The following AKAP6 variants were observed in gnomAD, a reference collection of about 807,000 sequenced individuals.
The protein encoded by AKAP6 is A-kinase anchor protein 6.
In AKAP6, 58 loss-of-function variants were observed where a neutral mutation model predicts 188.5. That is an observed-to-expected ratio of 0.31 (90% CI 0.25 to 0.38). The LOEUF (loss-of-function observed/expected upper bound fraction) is 0.38. Ranked by LOEUF, AKAP6 falls within the 10% of genes least tolerant of loss-of-function variation. The pLI is 1.00. For missense variants in AKAP6, 2,710 were observed against 2,740.0 expected (o/e 0.99, Z 0.24); for synonymous variants, 989 against 998.6 (o/e 0.99, Z 0.18).
At chr14:32,703,025 A>G (rs1337238990) in intron 9 of AKAP6, among the ~76,000 whole-genome samples, 1 of 152,182 alleles carries the variant, frequency 6.6e-6, no homozygotes, top group African/African-American at 2.4e-5. Flanking sequence ...GATAATTAAC[A>G]CTTGAAGGAC....
chr14:32,607,309 G>A (rs556419429), intron 7 of AKAP6, among the ~76,000 whole-genome samples: 1 of 152,264 alleles, frequency 6.6e-6, no homozygotes, highest in Admixed American at 6.5e-5. Flanking sequence ...GCAATCAATG[G>A]GAACTGCATT....
chr14:32,480,151 A>G (rs1000474962), intron 2 of AKAP6, among the ~76,000 whole-genome samples: 2 of 152,166 alleles, frequency 1.3e-5, no homozygotes, highest in Non-Finnish European at 2.9e-5. Context: ...TCTATTTCCT[A>G]ATTCAAACAA....
At chr14:32,710,060 A>G (rs1268786097) in intron 9 of AKAP6, among the ~76,000 whole-genome samples, 2 of 152,046 alleles carry the variant, frequency 1.3e-5, no homozygotes, top group East Asian at 3.9e-4. Context: ...TTTTTCAACT[A>G]TCTCTTATTA....
At chr14:32,644,934 C>T (rs1241690627) in intron 7 of AKAP6, among the ~76,000 whole-genome samples, 1 of 152,096 alleles carries the variant, frequency 6.6e-6, no homozygotes, top group Admixed American at 6.6e-5. Flanking sequence ...GACAGACTAA[C>T]GGGTATATAT....
intron 1 of AKAP6, among the ~76,000 whole-genome samples, chr14:32,370,363 A>G (rs146247558): frequency 6.6e-6 from 1 of 152,308 alleles, no homozygotes; most frequent in East Asian, 1.9e-4. Flanking sequence ...GTGCTATCGA[A>G]TTGATGGTGT....
At chr14:32,727,395 T>C (rs1285663912) in intron 9 of AKAP6, among the ~76,000 whole-genome samples, 1 of 152,218 alleles carries the variant, frequency 6.6e-6, no homozygotes, top group Non-Finnish European at 1.5e-5. Flanking sequence ...TTGCCAGGTC[T>C]CCTACTTAAG....
chr14:32,622,391 C>G (rs1186424831), intron 7 of AKAP6, among the ~76,000 whole-genome samples: 2 of 151,290 alleles, frequency 1.3e-5, no homozygotes, highest in Non-Finnish European at 2.9e-5. Context: ...GAGGATTTGA[C>G]TAGACTAGAT....
chr14:32,706,455 CT>C (rs895096997), intron 9 of AKAP6, among the ~76,000 whole-genome samples: 4 of 151,918 alleles, frequency 2.6e-5, no homozygotes, highest in African/African-American at 9.7e-5. Context: ...AACATTTATG[CT>C]TTTTGGGAGA....
At chr14:32,821,338 G>C (rs1342129036) in intron 12 of AKAP6, 64 bp from the exon 13 acceptor site, 4 of 1,503,090 alleles carry the variant, frequency 2.7e-6, no homozygotes, top group Admixed American at 2.3e-5. Flanking sequence ...GATTTTCAAT[G>C]GATAAAATTT....
intron 6 of AKAP6, among the ~76,000 whole-genome samples, 179 bp from the exon 7 acceptor site, chr14:32,600,450 T>A (rs1217536022): frequency 6.6e-6 from 1 of 152,176 alleles, no homozygotes; most frequent in Non-Finnish European, 1.5e-5. Context: ...TCCTTATACC[T>A]CATGTTAAGA....
At chr14:32,818,143 A>AT (rs1054670838) in intron 12 of AKAP6, among the ~76,000 whole-genome samples, 2 of 152,192 alleles carry the variant, frequency 1.3e-5, no homozygotes, top group African/African-American at 4.8e-5. Context: ...AAAGTGAATG[A>AT]TTTTCTAATG....
At chr14:32,693,619 C>T (rs1183162819) in intron 8 of AKAP6, 1 of 152,174 alleles carries the variant, frequency 6.6e-6, no homozygotes, top group Non-Finnish European at 1.5e-5. Flanking sequence ...CACATGCCTC[C>T]TTTCTAGGTC....
At chr14:32,434,126 A>C in intron 2 of AKAP6, 1 of 267,720 alleles carries the variant, frequency 3.7e-6, no homozygotes, top group Non-Finnish European at 7.2e-6. Flanking sequence ...AAACTCTTAC[A>C]AAGGGTTTAA....
chr14:32,527,672 T>C lies in AKAP6; in HGVS notation c.325-7882T>C, dbSNP rs1882201365. Among the ~76,000 whole-genome samples the C allele has an allele frequency of 2.0e-5, 3 of 152,198 alleles. No homozygotes were observed. In the South Asian group the frequency reaches 6.2e-4, roughly 31 times the overall value. On this transcript the variant is annotated intron_variant, in intron 2 of 13. Coordinates refer to ENST00000280979, the MANE Select transcript of AKAP6 (RefSeq NM_004274.5). ...ATCTCATTGTTTTAATGGTATCTCA[T>C]TGTTTTAATTTGCATTTCCCTGATG...
At chr14:32,342,517 C>T (rs1308742587) in intron 1 of AKAP6, among the ~76,000 whole-genome samples, 1 of 152,154 alleles carries the variant, frequency 6.6e-6, no homozygotes, top group Non-Finnish European at 1.5e-5. Context: ...TCTTCTACTT[C>T]CTGCCTTCCC....
intron 4 of AKAP6, among the ~76,000 whole-genome samples, chr14:32,571,213 A>C (rs1276592332): frequency 7.0e-6 from 1 of 142,510 alleles, no homozygotes; most frequent in African/African-American, 3.0e-5. Context: ...GCAGAAGCTG[A>C]CTTTTTTTTT....
chr14:32,800,057 C>A (rs369495664), intron 12 of AKAP6, among the ~76,000 whole-genome samples: 13,591 of 104,774 alleles, frequency 0.13, 877 homozygotes, highest in South Asian at 0.2. Flanking sequence ...CTCTCTCTCT[C>A]TCTCTATATA....
rs574627730 is a variant in AKAP6 at position 32,673,059 on chromosome 14, C to T, written c.2731-5252C>T. Among the ~76,000 whole-genome samples, 5 of 152,298 alleles carry T rather than the reference C, an allele frequency of 3.3e-5. No individual in the cohort carries two copies. The East Asian group carries it at 7.7e-4, about 24-fold the overall frequency. On this transcript the variant is annotated intron_variant, in intron 7 of 13. Coordinates refer to ENST00000280979, the MANE Select transcript of AKAP6 (RefSeq NM_004274.5). ...TATCCAAATGCCCCAAAGCTCCAGC[C>T]ACCATTCTCTGAACATGCCACATCC...
chr14:32,535,427 G>C, intron 2 of AKAP6, 127 bp from the exon 3 acceptor site: 1 of 1,119,102 alleles, frequency 8.9e-7, no homozygotes, highest in South Asian at 1.5e-5. Flanking sequence ...AAAGGCCCCA[G>C]GTATCCAATG....
Sources: gnomAD v4.1 joint callset for allele counts (sites outside exome capture counted in the v4.1 genomes callset) on GRCh38, gnomAD v4.1.1 for gene constraint, MANE v1.5 for transcripts, NCBI Gene and HGNC (gene_info 2026-07-23, HGNC 2026-07-21) for gene names.